The following CD3G variants were observed in gnomAD, a reference collection of about 807,000 sequenced individuals.
The protein encoded by CD3G is T-cell surface glycoprotein CD3 gamma chain.
CD3G carries 24 observed loss-of-function variants against 28.3 expected under a neutral mutation model. That is an observed-to-expected ratio of 0.85 (90% confidence interval 0.61 to 1.19). CD3G has a LOEUF of 1.19. Ranked by LOEUF, CD3G falls within the 50% of genes most tolerant of loss-of-function variation. The probability of loss-of-function intolerance (pLI) is 0.00; values close to 1 mark genes in which losing one functional copy is unlikely to be tolerated. For missense variants in CD3G, 211 were observed against 210.0 expected (o/e 1.00, Z -0.03); for synonymous variants, 71 against 75.9 (o/e 0.93, Z 0.34).
In CD3G at chr11:118,353,587, G is replaced by A. The variant is rs534382215; in HGVS notation, c.*487G>A. On this transcript the variant is annotated 3_prime_UTR_variant, in exon 7 of 7. Transcript: ENST00000532917. ...GCTCTGTCACCCAGGCTGAAATGCA[G>A]TGGCACCATCTCGGCTCACTGCAAC... The A allele has an allele frequency of 7.5e-6, 1 of 132,834 alleles. No individual in the cohort carries two copies. The highest frequency in any genetic ancestry group is 2.4e-4 in the South Asian group (1 of 4,102). The allele number at this position is 132,834 out of a possible 1,614,324, so 8.2% of individuals were successfully genotyped here.
intron 3 of CD3G, chr11:118,350,189 T>G (rs1948393546): frequency 1.7e-6 from 1 of 592,522 alleles, no homozygotes; most frequent in Non-Finnish European, 3.0e-6. Flanking sequence ...TACCTTTGGG[T>G]GGGCTCCATG....
At chr11:118,346,371 A>G (rs997084745) in intron 1 of CD3G, among the ~76,000 whole-genome samples, 1 of 152,090 alleles carries the variant, frequency 6.6e-6, no homozygotes, top group African/African-American at 2.4e-5. Context: ...CAGGAGATGG[A>G]GGTTGCAGTG....
chr11:118,349,952 C>T lies in CD3G; in HGVS notation c.289C>T (p.Leu97Phe). The change falls in exon 3 of 7, where the codon CTC (leucine) becomes TTC (phenylalanine). Residue 97 changes from leucine to phenylalanine, a missense_variant. By Grantham distance (22) the Leu-to-Phe change is conservative. Coordinates refer to ENST00000532917, the MANE Select transcript of CD3G (RefSeq NM_000073.3). ...AGGATCACAGAACAAGTCAAAACCA[C>T]TCCAAGTGTATTACAGAAGTATGTA... ...CKGSQNKSKP[L>F]QVYYRMCQNC... 1.2e-6 allele frequency: 2 copies of T among 1,613,446 alleles called. No homozygotes were observed. Among genetic ancestry groups the T allele is most frequent in the Non-Finnish European group, 1.7e-6 (2 of 1,179,450 alleles).
intron 1 of CD3G, among the ~76,000 whole-genome samples, chr11:118,346,290 A>G (rs898482876): frequency 2.6e-5 from 4 of 152,034 alleles, no homozygotes; most frequent in African/African-American, 9.7e-5. Context: ...TTTAAAAATT[A>G]GTGGGGTGTG....
At chr11:118,348,768 A>G (rs1275397183) in intron 1 of CD3G, among the ~76,000 whole-genome samples, 4 of 151,988 alleles carry the variant, frequency 2.6e-5, no homozygotes, top group Non-Finnish European at 2.9e-5. Context: ...TAACAAAGCC[A>G]CTCCTGTCAC....
chr11:118,351,039 T>A (rs1186131), intron 4 of CD3G: 1 of 331,862 alleles, frequency 3.0e-6, no homozygotes, highest in Non-Finnish European at 5.1e-6. Context: ...ATACAAAAAA[T>A]TAGCCGGGCG....
At chr11:118,352,746 C>T (rs1948421456) in intron 6 of CD3G, among the ~76,000 whole-genome samples, 1 of 152,058 alleles carries the variant, frequency 6.6e-6, no homozygotes, top group Non-Finnish European at 1.5e-5. Flanking sequence ...GAATATTAAT[C>T]TTAACCTACA....
chr11:118,352,815 A>C (rs982970774), intron 6 of CD3G, among the ~76,000 whole-genome samples: 1 of 152,160 alleles, frequency 6.6e-6, no homozygotes, highest in African/African-American at 2.4e-5. Flanking sequence ...ATTTGTGATG[A>C]GGGGCTAGCC....
rs1056539155 is a variant in CD3G at position 118,355,082 on chromosome 11, T to G, written c.*1982T>G. Reference sequence around the variant, plus strand: ...TTTATACTTTTTACAGCTTTATGGTTTTAGCTCTAACAATAAATGTGATTT... The same window carrying G: ...TTTATACTTTTTACAGCTTTATGGTGTTAGCTCTAACAATAAATGTGATTT... On this transcript the variant is annotated 3_prime_UTR_variant, in exon 7 of 7. Transcript: ENST00000532917. 6.6e-6 allele frequency: 1 copy of G among 152,076 alleles called. No individual in the cohort carries two copies. Among genetic ancestry groups the G allele is most frequent in the Non-Finnish European group, 1.5e-5 (1 of 67,984 alleles). The allele number at this position is 152,076 out of a possible 1,614,324, so 9.4% of individuals were successfully genotyped here.
intron 1 of CD3G, among the ~76,000 whole-genome samples, chr11:118,346,031 G>C (rs1188581461): frequency 1.3e-5 from 2 of 152,228 alleles, no homozygotes; most frequent in African/African-American, 4.8e-5. Flanking sequence ...AAGAGCATTT[G>C]AGTTCAGCAG....
chr11:118,352,285 C>T, intron 5 of CD3G, 119 bp from the exon 6 acceptor site: 3 of 836,330 alleles, frequency 3.6e-6, no homozygotes, highest in Non-Finnish European at 6.3e-6. Context: ...TCTTTCCATC[C>T]TCAGGACCAT....
Position 118,354,996 on chromosome 11 carries a change from G to A in CD3G, c.*1896G>A, listed in dbSNP as rs1232246192. On this transcript the variant is annotated 3_prime_UTR_variant, in exon 7 of 7. Coordinates refer to ENST00000532917, the MANE Select transcript of CD3G (RefSeq NM_000073.3). Reference sequence around the variant, plus strand: ...TTTTCTTCTATATATTGTGCTTTTGGTATCATGTCTAATAAATCTTTACCA... The same window carrying A: ...TTTTCTTCTATATATTGTGCTTTTGATATCATGTCTAATAAATCTTTACCA... 2 of 151,932 alleles carry A rather than the reference G, an allele frequency of 1.3e-5. No homozygotes were observed. Among genetic ancestry groups the A allele is most frequent in the Non-Finnish European group, 2.9e-5 (2 of 67,964 alleles). The allele number at this position is 151,932 out of a possible 1,614,324, so 9.4% of individuals were successfully genotyped here. A position where few individuals can be genotyped will look rare whatever the true frequency, so the allele number is the denominator to read the frequency against.
chr11:118,350,785 C>G lies in CD3G; in HGVS notation c.439+102C>G, dbSNP rs577537529. ...GAAGAGACTGAGTTGGTGCTTCTTGCTAGTGTGCATAGTTGGGTGAGGCTG... is the reference window on the plus strand; with the variant it reads ...GAAGAGACTGAGTTGGTGCTTCTTGGTAGTGTGCATAGTTGGGTGAGGCTG... On this transcript the variant is annotated intron_variant, in intron 4 of 6. Coordinates refer to ENST00000532917, the MANE Select transcript of CD3G (RefSeq NM_000073.3). 3.2e-6 allele frequency: 5 copies of G among 1,581,606 alleles called. No homozygotes were observed. The South Asian group carries it at 4.5e-5, about 14-fold the overall frequency.
Position 118,344,363 on chromosome 11 carries a change from CTGG to C in CD3G, c.-60_-58del. The C allele has an allele frequency of 2.0e-5, 13 of 639,448 alleles. No individual in the cohort carries two copies. In the South Asian group the frequency reaches 6.8e-4, roughly 33 times the overall value. 39.6% of individuals were successfully genotyped at this position (639,448 alleles called of 1,614,324 possible). On this transcript the variant is annotated 5_prime_UTR_variant, in exon 1 of 7. Transcript: ENST00000532917. ...GGAGCCAGTCTAGCTGCTGCACAGG[CTGG>C]CTGGCTGGCTGGCTGCTAAGGGCTG...
At position 118,346,324 on chromosome 11, in the gene CD3G, C is replaced by T. The variant is rs1948355570; in HGVS notation, c.55+1846C>T. Among the ~76,000 whole-genome samples, 3 of 152,186 alleles carry T rather than the reference C, an allele frequency of 2.0e-5. No individual in the cohort carries two copies. In the South Asian group the frequency reaches 6.2e-4, roughly 32 times the overall value. On this transcript the variant is annotated intron_variant, in intron 1 of 6. Transcript: ENST00000532917. ...TGGTGGTGGGTGCCTGTAATCCCAGCTACTCAGGAGGCTGAGGCAGGAGAA... is the reference window on the plus strand; with the variant it reads ...TGGTGGTGGGTGCCTGTAATCCCAGTTACTCAGGAGGCTGAGGCAGGAGAA...
intron 3 of CD3G, 143 bp from the exon 4 acceptor site, chr11:118,350,409 G>C (rs1359283480): frequency 1.3e-6 from 1 of 743,914 alleles, no homozygotes; most frequent in African/African-American, 1.7e-5. Context: ...GAGTTTTGGC[G>C]CAAGGATCTT....
At chr11:118,346,819 G>T (rs1453104259) in intron 1 of CD3G, among the ~76,000 whole-genome samples, 1 of 125,188 alleles carries the variant, frequency 8.0e-6, no homozygotes, top group Non-Finnish European at 1.7e-5. Context: ...AAAAAAAGAT[G>T]TCTCAAAAAA....
At chr11:118,345,883 C>G (rs867805007) in intron 1 of CD3G, among the ~76,000 whole-genome samples, 1 of 152,118 alleles carries the variant, frequency 6.6e-6, no homozygotes, top group African/African-American at 2.4e-5. Flanking sequence ...GGGTGATGAC[C>G]GGTTGGGAGA....
In CD3G at chr11:118,344,418, A is replaced by G. The variant is rs375928479; in HGVS notation, c.-6A>G. The G allele has an allele frequency of 2.6e-6, 4 of 1,566,852 alleles. No individual in the cohort carries two copies. The highest frequency in any genetic ancestry group is 1.2e-5 in the South Asian group (1 of 85,004). ...TCCACGCTTTTGCCGGAGGACAGAG[A>G]CTGACATGGAACAGGGGAAGGGCCT... On this transcript the variant is annotated 5_prime_UTR_variant, in exon 1 of 7. Transcript: ENST00000532917.
Sources: allele counts gnomAD v4.1 joint callset (sites outside exome capture counted in the v4.1 genomes callset), GRCh38; gene constraint gnomAD v4.1.1; transcripts MANE v1.5; gene names NCBI Gene and HGNC (gene_info 2026-07-23, HGNC 2026-07-21).